Variants in PXT1 observed in about 807,000 individuals in gnomAD.
PXT1 encodes peroxisomal testis enriched protein 1, also known as peroxisomal testis-specific protein 1.
PXT1 carries 11 observed loss-of-function variants against 11.0 expected under a neutral mutation model. The ratio of observed to expected loss-of-function variants is 1.00; its 90% CI spans 0.63 to 1.66. PXT1 has a LOEUF of 1.66. PXT1 is among the 40% of genes most tolerant of loss of function. The pLI is 0.00. For synonymous variants in PXT1, 43 were observed against 51.4 expected, an observed-to-expected ratio of 0.84 and a Z score of 0.70; for missense variants, 141 against 155.5, an observed-to-expected ratio of 0.91 and a Z score of 0.49.
At chr6:36,405,330 T>G (rs1367908987) in intron 3 of PXT1, among the ~76,000 whole-genome samples, 1 of 151,902 alleles carries the variant, frequency 6.6e-6, no homozygotes, top group Non-Finnish European at 1.5e-5. Context: ...AGTTTCAAAA[T>G]AAAAAGTTAC....
chr6:36,404,815 G>A lies in PXT1; in HGVS notation c.170-4231C>T, dbSNP rs542136915. Among the ~76,000 whole-genome samples, 136 of 152,152 alleles carry A rather than the reference G, an allele frequency of 8.9e-4. 1 individual carries two copies. In the South Asian group the frequency reaches 0.01, roughly 12 times the overall value. On this transcript the variant is annotated intron_variant, in intron 3 of 4. Coordinates refer to ENST00000454782, the MANE Select transcript of PXT1 (RefSeq NM_152990.4). ...TCTATTAAAAATACAAAAATTAGCC[G>A]GGCGTGGTGGCATGCACTTGTAATC...
At chr6:36,406,735 C>A (rs1057301486) in intron 3 of PXT1, among the ~76,000 whole-genome samples, 1 of 150,962 alleles carries the variant, frequency 6.6e-6, no homozygotes, top group African/African-American at 2.4e-5. Flanking sequence ...CGCTTGAACC[C>A]GGGAGGTAGA....
At chr6:36,402,829 G>A (rs992368254) in intron 3 of PXT1, among the ~76,000 whole-genome samples, 4 of 152,186 alleles carry the variant, frequency 2.6e-5, no homozygotes, top group Admixed American at 2.0e-4. Flanking sequence ...GAGAGCTCCC[G>A]GAGGGGAGGT....
intron 2 of PXT1, among the ~76,000 whole-genome samples, chr6:36,429,131 T>G (rs77953031): frequency 0.43 from 62,286 of 145,978 alleles, 14,729 homozygotes; most frequent in African/African-American, 0.61. Context: ...AGCCTAGTGG[T>G]TGCGCACACC....
chr6:36,417,924 G>A (rs1224674378), intron 3 of PXT1, among the ~76,000 whole-genome samples: 1 of 152,022 alleles, frequency 6.6e-6, no homozygotes, highest in East Asian at 1.9e-4. Flanking sequence ...TGGGCAGGGC[G>A]CGGTGGTCAT....
chr6:36,392,256 CTG>C (rs1774080484), intron 4 of PXT1, among the ~76,000 whole-genome samples: 1 of 152,208 alleles, frequency 6.6e-6, no homozygotes, highest in Non-Finnish European at 1.5e-5. Flanking sequence ...TCTCAACAAA[CTG>C]GGGCTCATCA....
chr6:36,401,196 T>C (rs1388923276), intron 3 of PXT1, among the ~76,000 whole-genome samples: 1 of 151,814 alleles, frequency 6.6e-6, no homozygotes, highest in Non-Finnish European at 1.5e-5. Flanking sequence ...AAATTATTAA[T>C]GATATATTTT....
intron 3 of PXT1, among the ~76,000 whole-genome samples, chr6:36,400,802 C>T (rs1371732360): frequency 6.6e-6 from 1 of 152,072 alleles, no homozygotes; most frequent in Admixed American, 6.6e-5. Flanking sequence ...AACCCTGTTT[C>T]TACTAAAAAT....
At chr6:36,435,452 A>G (rs868568257) in intron 2 of PXT1, among the ~76,000 whole-genome samples, 2 of 151,932 alleles carry the variant, frequency 1.3e-5, no homozygotes, top group African/African-American at 4.8e-5. Flanking sequence ...TAGTCCAGCT[A>G]CTCAGGAGGC....
chr6:36,429,503 C>CTTTTT (rs1774658180), intron 2 of PXT1, among the ~76,000 whole-genome samples: 4 of 104,232 alleles, frequency 3.8e-5, no homozygotes, highest in African/African-American at 1.8e-4. Flanking sequence ...TTCTTTTTTT[C>CTTTTT]TTTTCTTTTT....
At chr6:36,407,578 CTT>C (rs36048537) in intron 3 of PXT1, among the ~76,000 whole-genome samples, 68,085 of 147,136 alleles carry the variant, frequency 0.46, 15,733 homozygotes, top group Middle Eastern at 0.55. Context: ...CATGGTTAAT[CTT>C]TTTTTTTTTT....
At chr6:36,429,503 C>CTT (rs1774658180) in intron 2 of PXT1, among the ~76,000 whole-genome samples, 2 of 104,250 alleles carry the variant, frequency 1.9e-5, no homozygotes, top group African/African-American at 4.5e-5. Flanking sequence ...TTCTTTTTTT[C>CTT]TTTTCTTTTT....
At chr6:36,413,141 G>A (rs906110354) in intron 3 of PXT1, among the ~76,000 whole-genome samples, 7 of 152,260 alleles carry the variant, frequency 4.6e-5, no homozygotes, top group Middle Eastern at 3.4e-3. Flanking sequence ...AATCCTGGCC[G>A]GACACGGTGG....
intron 3 of PXT1, among the ~76,000 whole-genome samples, chr6:36,408,907 T>G (rs1173094567): frequency 6.6e-6 from 1 of 151,726 alleles, no homozygotes; most frequent in Non-Finnish European, 1.5e-5. Context: ...AAGGAAATAA[T>G]CAGCCTCAAT....
At chr6:36,413,310 G>A (rs1282860406) in intron 3 of PXT1, among the ~76,000 whole-genome samples, 6 of 151,978 alleles carry the variant, frequency 3.9e-5, no homozygotes, top group South Asian at 2.1e-4. Flanking sequence ...CCAGCTACTC[G>A]GGAGGCTGAG....
At position 36,391,773 on chromosome 6, in the gene PXT1, C is replaced by T. The variant is rs1774069874; in HGVS notation, c.402G>A (p.Leu134=). The change falls in exon 5 of 5, where the codon CTG becomes CTA. Residue 134 remains leucine, a synonymous_variant. Coordinates refer to ENST00000454782, the MANE Select transcript of PXT1 (RefSeq NM_152990.4). ...LLHFFWNNHL[L] The stretch of plus-strand genomic sequence containing the variant: ...CCACTTGACCTTTACTTTCCTTTTA[C>T]AGCAAATGGTTGTTCCAGAAAAAAT... The T allele has an allele frequency of 6.2e-7, 1 of 1,606,968 alleles. No homozygotes were observed. The highest frequency in any genetic ancestry group is 8.5e-7 in the Non-Finnish European group (1 of 1,174,298).
At chr6:36,403,539 C>A (rs4713972) in intron 3 of PXT1, among the ~76,000 whole-genome samples, 38,898 of 151,890 alleles carry the variant, frequency 0.26, 5,021 homozygotes, top group East Asian at 0.39. Context: ...GCAGAGGAGG[C>A]CAGTAGAAAA....
chr6:36,400,373 T>C, intron 4 of PXT1, 81 bp downstream of exon 4: 3 of 1,499,838 alleles, frequency 2.0e-6, no homozygotes, highest in Non-Finnish European at 2.8e-6. Flanking sequence ...TTCCTGGGCA[T>C]CTCAGACACT....
At chr6:36,422,375 C>T (rs1774534781) in intron 3 of PXT1, among the ~76,000 whole-genome samples, 1 of 152,204 alleles carries the variant, frequency 6.6e-6, no homozygotes, top group Admixed American at 6.5e-5. Flanking sequence ...TTAACCCCTT[C>T]AGGTCTCATG....
Sources: gnomAD v4.1 joint callset for allele counts (sites outside exome capture counted in the v4.1 genomes callset) on GRCh38, gnomAD v4.1.1 for gene constraint, MANE v1.5 for transcripts, NCBI Gene and HGNC (gene_info 2026-07-23, HGNC 2026-07-21) for gene names.